BIN2: variants seen among roughly 807,000 people sequenced by gnomAD.
BIN2 encodes breast cancer associated protein BRAP1.
A neutral mutation model predicts 67.9 loss-of-function variants in BIN2; 43 were observed. The observed-to-expected ratio is 0.63, with a 90% CI of 0.50 to 0.82. The LOEUF (loss-of-function observed/expected upper bound fraction) is 0.82, where lower values mean the gene tolerates loss of function less well. Among genes scored for constraint, BIN2 ranks in the 40% least tolerant of loss-of-function variants. The pLI, the probability that BIN2 is intolerant of heterozygous loss-of-function variation, is 0.00. For missense variants in BIN2, 581 were observed against 671.6 expected, an observed-to-expected ratio of 0.87 and a Z score of 1.49; for synonymous variants, 244 against 246.8, an observed-to-expected ratio of 0.99 and a Z score of 0.11.
In BIN2 at chr12:51,297,223, T is replaced by C; in HGVS notation, c.603-59A>G. 3 of 1,527,484 alleles carry C rather than the reference T, an allele frequency of 2.0e-6. No homozygotes were observed. The South Asian group carries it at 3.4e-5, about 17-fold the overall frequency. The allele number at this position is 1,527,484 out of a possible 1,614,324, so 94.6% of individuals were successfully genotyped here. ...TAAGGCATGGGAAAGGAGTTCTTTGTTTGAAATACAAAGTAGGACTTAAGC... is the reference window on the plus strand; with the variant it reads ...TAAGGCATGGGAAAGGAGTTCTTTGCTTGAAATACAAAGTAGGACTTAAGC... On this transcript the variant is annotated intron_variant, in intron 7 of 12. Coordinates refer to ENST00000615107, the MANE Select transcript of BIN2 (RefSeq NM_016293.4).
At chr12:51,315,449 G>A (rs1307367065) in intron 1 of BIN2, among the ~76,000 whole-genome samples, 1 of 152,224 alleles carries the variant, frequency 6.6e-6, no homozygotes, top group Non-Finnish European at 1.5e-5. Flanking sequence ...TGGGATTACA[G>A]GCGTGAGCCA....
At chr12:51,323,549 A>G (rs1345940668) in intron 1 of BIN2, among the ~76,000 whole-genome samples, 1 of 152,130 alleles carries the variant, frequency 6.6e-6, no homozygotes, top group Non-Finnish European at 1.5e-5. Flanking sequence ...ACTATGCAGG[A>G]TTATTCTAAG....
chr12:51,313,260 G>A (rs1378510760), intron 2 of BIN2, among the ~76,000 whole-genome samples: 1 of 140,468 alleles, frequency 7.1e-6, no homozygotes, highest in Non-Finnish European at 1.6e-5. Context: ...GGGAGGGAGG[G>A]AGGGAAGGAG....
intron 1 of BIN2, among the ~76,000 whole-genome samples, chr12:51,319,249 G>T (rs1260044307): frequency 6.6e-6 from 1 of 152,186 alleles, no homozygotes; most frequent in East Asian, 1.9e-4. Context: ...AGGCCAAAAG[G>T]CTTGGAGAGT....
chr12:51,315,945 G>A (rs997760937), intron 1 of BIN2, among the ~76,000 whole-genome samples: 7 of 152,134 alleles, frequency 4.6e-5, no homozygotes, highest in Admixed American at 3.3e-4. Context: ...ATCTTGGAAG[G>A]AGATACCATC....
intron 5 of BIN2, among the ~76,000 whole-genome samples, chr12:51,300,228 T>C (rs777939077): frequency 1.3e-4 from 20 of 152,070 alleles, no homozygotes; most frequent in Non-Finnish European, 2.8e-4. Context: ...GATAGAGTCC[T>C]ACAGAGCATG....
At chr12:51,301,562 A>G (rs1208530420) in intron 5 of BIN2, among the ~76,000 whole-genome samples, 1 of 152,034 alleles carries the variant, frequency 6.6e-6, no homozygotes, top group East Asian at 1.9e-4. Context: ...AGGCTGGCGC[A>G]CAGTGGCATG....
In BIN2 at chr12:51,314,199, C is replaced by T. The variant is rs138494931; in HGVS notation, c.82-296G>A. On this transcript the variant is annotated intron_variant, in intron 1 of 12. Coordinates refer to ENST00000615107, the MANE Select transcript of BIN2 (RefSeq NM_016293.4). ...AGTAGCTGGGATTACAGGCGTGTAC[C>T]ACCACGCCCAGCTAATTTTTGTATT... Among the ~76,000 whole-genome samples the T allele has an allele frequency of 9.0e-3, 1,362 of 152,070 alleles. 29 individuals carry two copies. The highest frequency in any genetic ancestry group is 0.031 in the African/African-American group (1,288 of 41,490).
chr12:51,303,256 A>T (rs1945779613), intron 2 of BIN2, 115 bp from the exon 3 acceptor site: 1 of 1,040,984 alleles, frequency 9.6e-7, no homozygotes, highest in Admixed American at 1.9e-5. Flanking sequence ...ATTTCTCTAA[A>T]TATTCACAAT....
intron 9 of BIN2, among the ~76,000 whole-genome samples, chr12:51,293,733 C>T (rs1945456864): frequency 6.6e-6 from 1 of 152,100 alleles, no homozygotes; most frequent in Non-Finnish European, 1.5e-5. Context: ...TGAAAAGATG[C>T]TCAAGGAAAC....
chr12:51,292,281 A>G lies in BIN2; in HGVS notation c.825T>C (p.Leu275=). ...PVRTATVSSP[L]TSPTSPSTLS... is the part of the protein sequence containing the mutation. The stretch of plus-strand genomic sequence containing the variant: ...GTGTAGAGGGACTAGTAGGTGAGGT[A>G]AGAGGACTGGAGACTGTAGCTGTTC... The change falls in exon 10 of 13, where the codon CTT becomes CTC. Residue 275 remains leucine, a synonymous_variant. Transcript: ENST00000615107. 1 of 1,601,264 alleles carries G rather than the reference A, an allele frequency of 6.2e-7. No individual in the cohort carries two copies. The highest frequency in any genetic ancestry group is 8.5e-7 in the Non-Finnish European group (1 of 1,179,940).
At chr12:51,287,995 A>T in intron 11 of BIN2, 113 bp downstream of exon 11, 1 of 741,036 alleles carries the variant, frequency 1.3e-6, no homozygotes, top group Non-Finnish European at 2.2e-6. Flanking sequence ...TCAGTGCTTC[A>T]TGTGAATCAA....
At chr12:51,323,963 G>GCTAGGC in intron 1 of BIN2, 59 bp downstream of exon 1, 1 of 1,594,672 alleles carries the variant, frequency 6.3e-7, no homozygotes, top group African/African-American at 1.4e-5. Context: ...GCCCGGCCGG[G>GCTAGGC]CTCGGCCTCG....
intron 10 of BIN2, among the ~76,000 whole-genome samples, chr12:51,290,417 C>A (rs188323501): frequency 1.3e-5 from 2 of 151,918 alleles, no homozygotes; most frequent in African/African-American, 2.4e-5. Flanking sequence ...GTGTGAGACA[C>A]GACGCCCGGC....
intron 2 of BIN2, among the ~76,000 whole-genome samples, chr12:51,303,447 T>C (rs557704325): frequency 6.6e-6 from 1 of 152,350 alleles, no homozygotes; most frequent in Non-Finnish European, 1.5e-5. Flanking sequence ...ACACTATCTA[T>C]GCAATTCTCT....
At chr12:51,316,273 A>G (rs1379344827) in intron 1 of BIN2, among the ~76,000 whole-genome samples, 2 of 151,216 alleles carry the variant, frequency 1.3e-5, no homozygotes, top group East Asian at 3.9e-4. Flanking sequence ...ACTTGAGGTC[A>G]GGAGTTCGAG....
At chr12:51,318,322 TGC>T (rs1019574329) in intron 1 of BIN2, among the ~76,000 whole-genome samples, 10 of 151,428 alleles carry the variant, frequency 6.6e-5, no homozygotes, top group African/African-American at 2.2e-4. Context: ...AGTGCAGTGA[TGC>T]CATCTCAGCT....
At chr12:51,282,160 A>G (rs1945132234) in intron 12 of BIN2, among the ~76,000 whole-genome samples, 1 of 152,116 alleles carries the variant, frequency 6.6e-6, no homozygotes, top group Non-Finnish European at 1.5e-5. Flanking sequence ...TGCATTTTTT[A>G]TACTTGCCTA....
chr12:51,306,797 C>T (rs930160354), intron 2 of BIN2, among the ~76,000 whole-genome samples: 3 of 152,220 alleles, frequency 2.0e-5, no homozygotes, highest in African/African-American at 7.2e-5. Flanking sequence ...AAACACTCAG[C>T]ATCTACCAGA....
Sources: allele counts gnomAD v4.1 joint callset (sites outside exome capture counted in the v4.1 genomes callset), GRCh38; gene constraint gnomAD v4.1.1; transcripts MANE v1.5; gene names NCBI Gene and HGNC (gene_info 2026-07-23, HGNC 2026-07-21).